Variants in RBM28 observed in about 807,000 individuals in gnomAD.
RBM28 encodes RNA-binding protein 28.
Under a neutral mutation model 98.3 loss-of-function variants are expected in RBM28, and 78 were observed. That is an observed-to-expected ratio of 0.79 (90% CI 0.66 to 0.96). RBM28 has a LOEUF of 0.96. Among genes scored for constraint, RBM28 ranks in the 40% least tolerant of loss-of-function variants. RBM28 has a pLI of 0.00. For synonymous variants in RBM28, 306 were observed against 330.9 expected (o/e 0.92, Z 0.82); for missense variants, 838 against 913.0 (o/e 0.92, Z 1.06).
rs1795894310 is a variant in RBM28 at position 128,307,782 on chromosome 7, G to A, written c.*3015C>T. The A allele has an allele frequency of 6.6e-6, 1 of 152,124 alleles. No individual in the cohort carries two copies. The highest frequency in any genetic ancestry group is 1.5e-5 in the Non-Finnish European group (1 of 68,044). The allele number at this position is 152,124 out of a possible 1,614,324, so 9.4% of individuals were successfully genotyped here. A position where few individuals can be genotyped will look rare whatever the true frequency, so the allele number is the denominator to read the frequency against. The stretch of plus-strand genomic sequence containing the variant: ...TACTAAAACTTGATAGTTTTGACTG[G>A]TGGCCTTGTCTTGGATGTTAAGAAA... On this transcript the variant is annotated 3_prime_UTR_variant, in exon 19 of 19. Coordinates refer to ENST00000223073, the MANE Select transcript of RBM28 (RefSeq NM_018077.3).
intron 9 of RBM28, among the ~76,000 whole-genome samples, chr7:128,333,080 G>A (rs1219471870): frequency 2.0e-5 from 3 of 152,128 alleles, no homozygotes; most frequent in Non-Finnish European, 2.9e-5. Flanking sequence ...AAATCTAAAT[G>A]AAAACGTGAT....
In RBM28 at chr7:128,300,337, C is replaced by T. The variant is rs1795763601; in HGVS notation, c.*10460G>A. 1 of 152,198 alleles carries T rather than the reference C, an allele frequency of 6.6e-6. No homozygotes were observed. The allele number at this position is 152,198 out of a possible 1,614,324, so 9.4% of individuals were successfully genotyped here. On this transcript the variant is annotated 3_prime_UTR_variant, in exon 19 of 19. Coordinates refer to ENST00000223073, the MANE Select transcript of RBM28 (RefSeq NM_018077.3). ...GGCTCTGAGCAGGGAAGGGTTAGAA[C>T]CCAGCGTGGATCAAACATTTGAGAT...
Position 128,323,542 on chromosome 7 carries a change from C to T in RBM28, c.1389G>A (p.Met463Ile), listed in dbSNP as rs1796281901. 1 of 1,614,090 alleles carries T rather than the reference C, an allele frequency of 6.2e-7. No individual in the cohort carries two copies. Among genetic ancestry groups the T allele is most frequent in the Admixed American group, 1.7e-5 (1 of 60,006 alleles). The change falls in exon 13 of 19, where the codon ATG becomes ATA. Residue 463 changes from methionine to isoleucine, a missense_variant. Physicochemically the swap from Met to Ile is conservative, Grantham distance 10 (BLOSUM62 1). Coordinates refer to ENST00000223073, the MANE Select transcript of RBM28 (RefSeq NM_018077.3). ...KAAEGVSAAD[M>I]AKRERFELLK... is the part of the protein sequence containing the mutation. Reference sequence around the variant, plus strand: ...ATCTACTCACCCGTTCTCTTTTGGCCATATCAGCAGCACTCACACCCTCTG... The same window carrying T: ...ATCTACTCACCCGTTCTCTTTTGGCTATATCAGCAGCACTCACACCCTCTG...
At chr7:128,329,888 C>CAAAAAAAAA (rs398006204) in intron 10 of RBM28, among the ~76,000 whole-genome samples, 8 of 101,626 alleles carry the variant, frequency 7.9e-5, no homozygotes, top group African/African-American at 1.3e-4. Flanking sequence ...GACTCCGTCT[C>CAAAAAAAAA]AAAAAAAAAA....
chr7:128,331,277 T>G (rs976700533), intron 9 of RBM28, among the ~76,000 whole-genome samples: 2 of 151,912 alleles, frequency 1.3e-5, no homozygotes, highest in African/African-American at 4.8e-5. Flanking sequence ...ATATAAAATT[T>G]TAACTGAGCT....
At chr7:128,313,077 TTC>T in intron 18 of RBM28, 96 bp downstream of exon 18, 1 of 1,239,902 alleles carries the variant, frequency 8.1e-7, no homozygotes, top group Non-Finnish European at 1.2e-6. Flanking sequence ...ACAGAAGTCT[TTC>T]TTTTTTTCTT....
intron 6 of RBM28, among the ~76,000 whole-genome samples, chr7:128,336,703 C>T (rs1196151784): frequency 6.6e-6 from 1 of 152,218 alleles, no homozygotes; most frequent in African/African-American, 2.4e-5. Flanking sequence ...AAAGCCCAGT[C>T]TCATTCTTTT....
chr7:128,302,068 C>T lies in RBM28; in HGVS notation c.*8729G>A, dbSNP rs1290911032. ...TCTGGGCCTCTGGGCCAGAGACAGG[C>T]ATTTTACTTGATGCGATCATCCTCA... On this transcript the variant is annotated 3_prime_UTR_variant, in exon 19 of 19. Transcript: ENST00000223073. 1 of 152,200 alleles carries T rather than the reference C, an allele frequency of 6.6e-6. No homozygotes were observed. Among genetic ancestry groups the T allele is most frequent in the Non-Finnish European group, 1.5e-5 (1 of 68,044 alleles). 9.4% of individuals were successfully genotyped at this position (152,200 alleles called of 1,614,324 possible).
chr7:128,335,518 GA>G, intron 8 of RBM28, 24 bp downstream of exon 8: 1 of 1,613,992 alleles, frequency 6.2e-7, no homozygotes, highest in Non-Finnish European at 8.5e-7. Context: ...AAAGTCTAAA[GA>G]CATTTATGAA....
chr7:128,339,171 C>T, intron 3 of RBM28, 56 bp downstream of exon 3: 3 of 1,401,034 alleles, frequency 2.1e-6, no homozygotes, highest in Non-Finnish European at 3.0e-6. Flanking sequence ...CTAATGATCA[C>T]ATCTTGGCTC....
At chr7:128,340,134 C>G (rs576082084) in intron 1 of RBM28, among the ~76,000 whole-genome samples, 1 of 152,226 alleles carries the variant, frequency 6.6e-6, no homozygotes, top group East Asian at 1.9e-4. Flanking sequence ...AAGAACAAAA[C>G]ATCACCAAAG....
intron 12 of RBM28, 65 bp downstream of exon 12, chr7:128,324,494 G>C: frequency 1.6e-5 from 26 of 1,605,588 alleles, no homozygotes; most frequent in Non-Finnish European, 2.0e-5. Context: ...GCATACTATT[G>C]CTTGATCAAT....
chr7:128,317,850 A>C, intron 15 of RBM28, 107 bp downstream of exon 15: 1 of 1,552,230 alleles, frequency 6.4e-7, no homozygotes, highest in Non-Finnish European at 8.9e-7. Flanking sequence ...TCCACTTGCC[A>C]CTGTTTCCCA....
At chr7:128,324,112 G>A (rs1413173598) in intron 12 of RBM28, among the ~76,000 whole-genome samples, 7 of 152,190 alleles carry the variant, frequency 4.6e-5, no homozygotes, top group African/African-American at 1.7e-4. Context: ...GCTGATAAAT[G>A]CTGTGTGACC....
intron 18 of RBM28, 119 bp from the exon 19 acceptor site, chr7:128,311,050 G>T: frequency 9.8e-7 from 1 of 1,025,014 alleles, no homozygotes; most frequent in Non-Finnish European, 1.5e-6. Context: ...ACCAGAAAGG[G>T]GTAGGTTTCT....
chr7:128,321,544 G>T, intron 13 of RBM28, 120 bp from the exon 14 acceptor site: 1 of 1,254,510 alleles, frequency 8.0e-7, no homozygotes, highest in Non-Finnish European at 1.1e-6. Context: ...GAAAACGGAT[G>T]GAAACTGCCC....
chr7:128,342,398 A>C (rs141831799), intron 1 of RBM28, among the ~76,000 whole-genome samples: 66 of 152,314 alleles, frequency 4.3e-4, no homozygotes, highest in African/African-American at 1.5e-3. Context: ...GTGGCTTCCT[A>C]TCTCTGAGTA....
At chr7:128,324,515 C>T (rs759244982) in intron 12 of RBM28, 44 bp downstream of exon 12, 1 of 1,613,660 alleles carries the variant, frequency 6.2e-7, no homozygotes, top group East Asian at 2.2e-5. Flanking sequence ...GATTATGGCA[C>T]AGGGCCAGGT....
Position 128,333,309 on chromosome 7 carries a change from C to T in RBM28, c.1000G>A (p.Gly334Arg). 6.2e-7 allele frequency: 1 copy of T among 1,604,722 alleles called. No individual in the cohort carries two copies. The highest frequency in any genetic ancestry group is 1.7e-4 in the Middle Eastern group (1 of 6,046). Reference sequence around the variant, plus strand: ...ACATACCTGATAAAAACAGTTTTCCCTTCATTCACATCAGAGGGTAATTTC... The same window carrying T: ...ACATACCTGATAAAAACAGTTTTCCTTTCATTCACATCAGAGGGTAATTTC... ...KRKLPSDVNEGKTVFIRNLSF... is the reference protein window; with the variant it reads ...KRKLPSDVNERKTVFIRNLSF... The change falls in exon 9 of 19, where the codon GGG becomes AGG. Residue 334 changes from glycine (G) to arginine (R), a missense_variant. Coordinates refer to ENST00000223073, the MANE Select transcript of RBM28 (RefSeq NM_018077.3).
Sources: allele counts gnomAD v4.1 joint callset (sites outside exome capture counted in the v4.1 genomes callset), GRCh38; gene constraint gnomAD v4.1.1; transcripts MANE v1.5; gene names NCBI Gene and HGNC (gene_info 2026-07-23, HGNC 2026-07-21).